The following PSD4 variants were observed in gnomAD, a reference collection of about 807,000 sequenced individuals.
The protein encoded by PSD4 is PH and SEC7 domain-containing protein 4.
In PSD4, 59 loss-of-function variants were observed where a neutral mutation model predicts 112.5. That is an observed-to-expected ratio of 0.52 (90% CI 0.43 to 0.65). The LOEUF is 0.65. Ranked by LOEUF, PSD4 falls within the 30% of genes least tolerant of loss-of-function variation. PSD4 has a pLI of 0.00. For missense variants in PSD4, 1,267 were observed against 1,352.6 expected, an observed-to-expected ratio of 0.94 and a Z score of 0.99; for synonymous variants, 533 against 540.0, an observed-to-expected ratio of 0.99 and a Z score of 0.18.
chr2:113,192,806 G>A (rs1286614709), intron 6 of PSD4, among the ~76,000 whole-genome samples: 1 of 152,148 alleles, frequency 6.6e-6, no homozygotes, highest in Non-Finnish European at 1.5e-5. Flanking sequence ...GGTCCCCACT[G>A]CCTTGCCAAC....
In PSD4 at chr2:113,198,864, G is replaced by A. The variant is rs771350837; in HGVS notation, c.2749G>A (p.Gly917Ser). Residue 917 changes from glycine to serine, a missense_variant, in exon 15 of 17, where the codon GGC becomes AGC. Gly to Ser is a moderately conservative substitution (Grantham distance 56). Around this residue, in one of 2 missense-constraint regions of PSD4, gnomAD observed 544 missense variants for 648.6 expected, o/e 0.84. Transcript: ENST00000245796. The stretch of plus-strand genomic sequence containing the variant: ...ATTCGTGCGGCCCATCCTGCCCGTG[G>A]GCCCCGCCCAGAGCTCCCTGGTACG... Reference protein sequence around the residue: ...RRFVRPILPVGPAQSSLEEQH... With the variant: ...RRFVRPILPVSPAQSSLEEQH... 23 of 1,594,278 alleles carry A rather than the reference G, an allele frequency of 1.4e-5. No individual in the cohort carries two copies. The highest frequency in any genetic ancestry group is 6.8e-6 in the Non-Finnish European group (8 of 1,176,998).
rs200676987 is a variant in PSD4, at chr2:113,199,818, G to GT, written c.2913+599dup. Among the ~76,000 whole-genome samples, 981 of 152,122 alleles carry GT rather than the reference G, an allele frequency of 6.4e-3. 8 individuals are homozygous for GT. The highest frequency in any genetic ancestry group is 0.022 in the African/African-American group (923 of 41,528). Reference sequence around the variant, plus strand: ...ATGGTCTTAACTAAGAAATGACCGTGTTTTTTTGTTTTTGTTTTTGTTTTT... The same window carrying GT: ...ATGGTCTTAACTAAGAAATGACCGTGTTTTTTTTGTTTTTGTTTTTGTTTTT... On this transcript the variant is annotated intron_variant, in intron 16 of 16. Coordinates refer to ENST00000245796, the MANE Select transcript of PSD4 (RefSeq NM_012455.3).
intron 1 of PSD4, chr2:113,175,227 G>C (rs1687939053): frequency 6.5e-6 from 1 of 152,840 alleles, no homozygotes; most frequent in Non-Finnish European, 1.5e-5. Context: ...TTGTCATTCT[G>C]TCCCTACCCC....
chr2:113,179,606 G>A (rs974948864), intron 1 of PSD4, among the ~76,000 whole-genome samples: 2 of 152,142 alleles, frequency 1.3e-5, no homozygotes, highest in Non-Finnish European at 2.9e-5. Flanking sequence ...ATCTTGAGCC[G>A]ACCTCTTATC....
chr2:113,195,122 G>C (rs6751201), intron 10 of PSD4, among the ~76,000 whole-genome samples: 51,549 of 151,438 alleles, frequency 0.34, 9,815 homozygotes, highest in African/African-American at 0.53. Context: ...TAAGGCCTCA[G>C]TAAGCATGGG....
At chr2:113,197,175 T>G in intron 12 of PSD4, 1 of 330,608 alleles carries the variant, frequency 3.0e-6, no homozygotes. Flanking sequence ...CCCCTCTAGA[T>G]GGGTATGCAA....
At chr2:113,179,085 A>G (rs1040237361) in intron 1 of PSD4, among the ~76,000 whole-genome samples, 1 of 152,110 alleles carries the variant, frequency 6.6e-6, no homozygotes, top group African/African-American at 2.4e-5. Flanking sequence ...TGGTGGGGTG[A>G]GTCACCTCCT....
chr2:113,197,444 C>A, intron 12 of PSD4, 120 bp from the exon 13 acceptor site: 1 of 994,510 alleles, frequency 1.0e-6, no homozygotes. Context: ...TTGTGTGCAT[C>A]CTGGTGAGAG....
intron 2 of PSD4, among the ~76,000 whole-genome samples, chr2:113,184,097 C>T (rs1688223582): frequency 6.6e-6 from 1 of 152,210 alleles, no homozygotes; most frequent in Non-Finnish European, 1.5e-5. Flanking sequence ...GGGACATGCT[C>T]TGTGAGACAA....
Position 113,196,282 on chromosome 2 carries a change from G to C in PSD4, c.2361G>C (p.Met787Ile), listed in dbSNP as rs775053126. The C allele has an allele frequency of 6.2e-7, 1 of 1,613,630 alleles. No individual in the cohort carries two copies. Among genetic ancestry groups the C allele is most frequent in the Non-Finnish European group, 8.5e-7 (1 of 1,179,590 alleles). ...TYKQGILARK[M>I]HQDADGKKTP... is the part of the protein sequence containing the mutation. ...AGCAGGGCATCCTGGCTCGGAAAAT[G>C]CATCAAGATGCAGACGGCAAGAAGA... Residue 787 changes from methionine to isoleucine, a missense_variant, in exon 12 of 17, where the codon ATG becomes ATC. Coordinates refer to ENST00000245796, the MANE Select transcript of PSD4 (RefSeq NM_012455.3).
intron 5 of PSD4, among the ~76,000 whole-genome samples, chr2:113,188,495 G>T (rs1043497591): frequency 6.6e-6 from 1 of 152,256 alleles, no homozygotes; most frequent in South Asian, 2.1e-4. Flanking sequence ...TTGAACTCTC[G>T]AATCCACTCG....
intron 15 of PSD4, 85 bp downstream of exon 15, chr2:113,198,969 C>T (rs749444291): frequency 2.6e-6 from 4 of 1,529,742 alleles, no homozygotes; most frequent in Non-Finnish European, 3.5e-6. Context: ...AGGCTGGAGG[C>T]GGGCTGCGCA....
At chr2:113,194,461 T>A (rs1372165141) in intron 10 of PSD4, among the ~76,000 whole-genome samples, 6 of 152,260 alleles carry the variant, frequency 3.9e-5, no homozygotes, top group Non-Finnish European at 5.9e-5. Context: ...AGCATGTGTG[T>A]CATAAGCAAT....
chr2:113,180,388 A>G (rs1391150577), intron 1 of PSD4, among the ~76,000 whole-genome samples: 2 of 152,200 alleles, frequency 1.3e-5, no homozygotes, highest in Non-Finnish European at 2.9e-5. Flanking sequence ...AGTGCTGGGC[A>G]GGGAGGAGCT....
At position 113,183,121 on chromosome 2, in the gene PSD4, G is replaced by A. The variant is rs1285290102; in HGVS notation, c.665G>A (p.Gly222Asp). Residue 222 changes from glycine (G) to aspartate (D), a missense_variant, in exon 2 of 17, where the codon GGC (glycine) becomes GAC (aspartate). Around this residue, in one of 2 missense-constraint regions of PSD4, gnomAD observed 723 missense variants for 704.0 expected, o/e 1.03. Transcript: ENST00000245796. ...GEDSSEPEGE[G>D]QAWLREGTPD... ...GACAGCAGTGAGCCTGAGGGAGAGGGCCAGGCATGGCTGAGAGAGGGAACC... is the reference window on the plus strand; with the variant it reads ...GACAGCAGTGAGCCTGAGGGAGAGGACCAGGCATGGCTGAGAGAGGGAACC... 4 of 1,613,980 alleles carry A rather than the reference G, an allele frequency of 2.5e-6. No individual in the cohort carries two copies. In the South Asian group the frequency reaches 4.4e-5, roughly 18 times the overall value.
In PSD4 at chr2:113,204,813, G is replaced by C. The variant is rs1688841028; in HGVS notation, c.*3398G>C. ...GGAGGGTCTGAGTCTTCAGGAGACG[G>C]AGACATATGGAATGTGTCGGGGTTG... On this transcript the variant is annotated 3_prime_UTR_variant, in exon 17 of 17. Coordinates refer to ENST00000245796, the MANE Select transcript of PSD4 (RefSeq NM_012455.3). 1 of 152,144 alleles carries C rather than the reference G, an allele frequency of 6.6e-6. No individual in the cohort carries two copies. The highest frequency in any genetic ancestry group is 1.5e-5 in the Non-Finnish European group (1 of 68,050). 9.4% of individuals were successfully genotyped at this position (152,144 alleles called of 1,614,324 possible).
intron 12 of PSD4, among the ~76,000 whole-genome samples, chr2:113,196,813 C>T (rs1688626451): frequency 6.6e-6 from 1 of 152,128 alleles, no homozygotes; most frequent in African/African-American, 2.4e-5. Context: ...TTGCTCAGAA[C>T]ATGGGGTGTG....
At chr2:113,189,450 A>G (rs7585361) in intron 5 of PSD4, among the ~76,000 whole-genome samples, 15,800 of 151,748 alleles carry the variant, frequency 0.1, 1,597 homozygotes, top group African/African-American at 0.25. Flanking sequence ...TTGTGATTGC[A>G]AATTGTGCTG....
intron 5 of PSD4, among the ~76,000 whole-genome samples, chr2:113,189,974 C>T (rs1368804628): frequency 6.6e-6 from 1 of 152,152 alleles, no homozygotes; most frequent in East Asian, 1.9e-4. Flanking sequence ...TTTCTATTTA[C>T]TCTGCTGACT....
Sources: allele counts gnomAD v4.1 joint callset (sites outside exome capture counted in the v4.1 genomes callset), GRCh38; gene constraint gnomAD v4.1.1; regional missense constraint gnomAD v4.1.1; transcripts MANE v1.5; gene names NCBI Gene and HGNC (gene_info 2026-07-23, HGNC 2026-07-21).